Variants in SLC27A4 observed in about 807,000 individuals in gnomAD.
SLC27A4 encodes the protein solute carrier family 27 member 4, also known as long-chain fatty acid transport protein 4.
SLC27A4 carries 33 observed loss-of-function variants against 64.4 expected under a neutral mutation model. The ratio of observed to expected loss-of-function variants is 0.51; its 90% CI spans 0.39 to 0.68. SLC27A4 has a LOEUF of 0.68. Among genes scored for constraint, SLC27A4 ranks in the 30% least tolerant of loss-of-function variants. The probability of loss-of-function intolerance (pLI) is 0.00; values close to 1 mark genes in which losing one functional copy is unlikely to be tolerated. For synonymous variants in SLC27A4, 377 were observed against 370.0 expected (o/e 1.02, Z -0.22); for missense variants, 824 against 883.5 (o/e 0.93, Z 0.85).
chr9:128,355,731 A>G lies in SLC27A4; in HGVS notation c.1709A>G (p.Glu570Gly), dbSNP rs1393585010. 1.2e-5 allele frequency: 19 copies of G among 1,613,616 alleles called. No individual in the cohort carries two copies. The highest frequency in any genetic ancestry group is 1.5e-5 in the Non-Finnish European group (18 of 1,180,032). ...CDLERFAQVL[E>G]KELPLYARPI... Reference sequence around the variant, plus strand: ...CTGGAGCGCTTTGCTCAGGTCTTGGAGAAGGAACTGCCCCTGTATGCGCGC... The same window carrying G: ...CTGGAGCGCTTTGCTCAGGTCTTGGGGAAGGAACTGCCCCTGTATGCGCGC... Residue 570 changes from glutamate to glycine, a missense_variant, in exon 12 of 13, where the codon GAG becomes GGG. By Grantham distance (98) the Glu-to-Gly change is moderately conservative. Coordinates refer to ENST00000300456, the MANE Select transcript of SLC27A4 (RefSeq NM_005094.4).
Position 128,353,685 on chromosome 9 carries a change from T to C in SLC27A4, c.1324+144T>C. ...TACAAGTTACTCATTTATTTGTGTA[T>C]CCATCCATTCATTCATTCATTCGCC... On this transcript the variant is annotated intron_variant, in intron 9 of 12. Coordinates refer to ENST00000300456, the MANE Select transcript of SLC27A4 (RefSeq NM_005094.4). This position sits in a 1 kb window ranked among gnomAD's most constrained non-coding sequence, Gnocchi z 4.9. 3 of 761,902 alleles carry C rather than the reference T, an allele frequency of 3.9e-6. No individual in the cohort carries two copies. The allele number at this position is 761,902 out of a possible 1,614,324, so 47.2% of individuals were successfully genotyped here. A position where few individuals can be genotyped will look rare whatever the true frequency, so the allele number is the denominator to read the frequency against.
At chr9:128,352,927 C>T (rs970699380) in intron 7 of SLC27A4, 98 bp from the exon 8 acceptor site, 10 of 1,209,388 alleles carry the variant, frequency 8.3e-6, no homozygotes, top group African/African-American at 3.0e-5. Flanking sequence ...GATGGCATGG[C>T]CAGCCCCTGG....
intron 6 of SLC27A4, 38 bp from the exon 7 acceptor site, chr9:128,352,600 A>G (rs1832753193): frequency 6.6e-7 from 1 of 1,518,378 alleles, no homozygotes; most frequent in East Asian, 2.3e-5. Context: ...GAGGGTCTTC[A>G]TCTCGCTGAC....
At chr9:128,342,122 T>C in intron 1 of SLC27A4, 1 of 811,558 alleles carries the variant, frequency 1.2e-6, no homozygotes, top group South Asian at 1.5e-5. Flanking sequence ...TGTCATGTTT[T>C]GGCTAGAAAA....
At chr9:128,344,385 G>A (rs1832621866) in intron 2 of SLC27A4, among the ~76,000 whole-genome samples, 1 of 152,132 alleles carries the variant, frequency 6.6e-6, no homozygotes. Context: ...CAGGCATGGT[G>A]GTGCACACCT....
chr9:128,345,020 A>G lies in SLC27A4; in HGVS notation c.162-135A>G. On this transcript the variant is annotated intron_variant, in intron 2 of 12. Transcript: ENST00000300456. This position sits in a 1 kb window ranked among gnomAD's most constrained non-coding sequence, Gnocchi z 4.1. ...TAAGGCAGTGCATGTTCCCAGCAGG[A>G]GCCAGGAGATAGAAGTGTTGTAGGG... 1.0e-6 allele frequency: 1 copy of G among 982,086 alleles called. No homozygotes were observed. Among genetic ancestry groups the G allele is most frequent in the Admixed American group, 2.1e-5 (1 of 47,840 alleles). 60.8% of individuals were successfully genotyped at this position (982,086 alleles called of 1,614,324 possible).
chr9:128,350,337 C>G lies in SLC27A4; in HGVS notation c.741C>G (p.Ser247=), dbSNP rs771758594. Residue 247 remains serine, a synonymous_variant, in exon 5 of 13, where the codon TCC becomes TCG. Transcript: ENST00000300456. ...ATAAACTGTTCTACATCTACACATC[C>G]GGCACCACAGGGCTGCCCAAGGCCG... The part of the protein sequence containing the change: ...FTDKLFYIYT[S]GTTGLPKAAI... 6.2e-7 allele frequency: 1 copy of G among 1,613,226 alleles called. No homozygotes were observed. Among genetic ancestry groups the G allele is most frequent in the South Asian group, 1.1e-5 (1 of 91,068 alleles).
chr9:128,359,896 C>T (rs1288373493), intron 12 of SLC27A4, among the ~76,000 whole-genome samples: 1 of 152,194 alleles, frequency 6.6e-6, no homozygotes, highest in Non-Finnish European at 1.5e-5. Flanking sequence ...TTAAAATCTG[C>T]AAGCACGTCC....
At chr9:128,346,324 C>T (rs1832657006) in intron 3 of SLC27A4, among the ~76,000 whole-genome samples, 1 of 152,016 alleles carries the variant, frequency 6.6e-6, no homozygotes, top group Admixed American at 6.6e-5. Flanking sequence ...ACCTCCACCT[C>T]CCGGGTTCAA....
intron 4 of SLC27A4, 62 bp downstream of exon 4, chr9:128,348,765 T>C: frequency 1.3e-6 from 2 of 1,552,358 alleles, no homozygotes; most frequent in South Asian, 2.2e-5. Flanking sequence ...AGCACTGGCC[T>C]CAGTGCCAGA....
Position 128,345,310 on chromosome 9 carries a change from A to C in SLC27A4, c.317A>C (p.Gln106Pro), listed in dbSNP as rs750137383. The C allele has an allele frequency of 6.2e-7, 1 of 1,613,744 alleles. No homozygotes were observed. The change falls in exon 3 of 13, where the codon CAG (glutamine) becomes CCG (proline). Residue 106 changes from glutamine (Q) to proline (P), a missense_variant. By Grantham distance (76) the Gln-to-Pro change is moderately conservative (BLOSUM62 -1). Transcript: ENST00000300456. The surrounding 1 kb of genome is among the most constrained non-coding windows in gnomAD (Gnocchi z 4.1). ...ACAGATACCCACTGGACCTTCCGCC[A>C]GCTGGATGAGTACTCAAGCAGTGTA... ...EGTDTHWTFR[Q>P]LDEYSSSVAN...
At chr9:128,358,685 G>A (rs569038507) in intron 12 of SLC27A4, among the ~76,000 whole-genome samples, 1 of 152,348 alleles carries the variant, frequency 6.6e-6, no homozygotes, top group African/African-American at 2.4e-5. Context: ...GACCTCAGGT[G>A]ATCCGCCCAC....
At position 128,353,185 on chromosome 9, in the gene SLC27A4, TC is replaced by T; in HGVS notation, c.1149del (p.Tyr384ThrfsTer45). The T allele has an allele frequency of 6.2e-7, 1 of 1,614,156 alleles. No individual in the cohort carries two copies. ...SRFHIPQVAE[F>X]YGATECNCSL... ...TTCCACATACCCCAGGTGGCTGAGTTCTACGGGGCCACAGAGTGCAACTGTA... is the reference window on the plus strand; with the variant it reads ...TTCCACATACCCCAGGTGGCTGAGTTTACGGGGCCACAGAGTGCAACTGTA... On this transcript the variant is annotated frameshift_variant, in exon 8 of 13. Coordinates refer to ENST00000300456, the MANE Select transcript of SLC27A4 (RefSeq NM_005094.4). LOFTEE classifies it high-confidence loss of function. This position sits in a 1 kb window ranked among gnomAD's most constrained non-coding sequence, Gnocchi z 4.9.
At chr9:128,351,822 A>G (rs1832741223) in intron 6 of SLC27A4, among the ~76,000 whole-genome samples, 1 of 151,904 alleles carries the variant, frequency 6.6e-6, no homozygotes, top group Non-Finnish European at 1.5e-5. Context: ...GAAGGCTGAG[A>G]CAGGAGAATC....
chr9:128,345,283 GC>G lies in SLC27A4; in HGVS notation c.291del (p.Thr98GlnfsTer17). On this transcript the variant is annotated frameshift_variant, in exon 3 of 13. Transcript: ENST00000300456. LOFTEE classifies it high-confidence loss of function. The surrounding 1 kb of genome is among the most constrained non-coding windows in gnomAD (Gnocchi z 4.1). ...HPDKTALIFE[G>X]TDTHWTFRQL... ...GACAAGACGGCCCTGATCTTCGAGGGCACAGATACCCACTGGACCTTCCGCC... is the reference window on the plus strand; with the variant it reads ...GACAAGACGGCCCTGATCTTCGAGGGACAGATACCCACTGGACCTTCCGCC... The G allele has an allele frequency of 6.2e-7, 1 of 1,613,924 alleles. No individual in the cohort carries two copies. The highest frequency in any genetic ancestry group is 8.5e-7 in the Non-Finnish European group (1 of 1,180,022).
intron 12 of SLC27A4, among the ~76,000 whole-genome samples, chr9:128,356,434 GC>G (rs1208857267): frequency 6.6e-6 from 1 of 152,264 alleles, no homozygotes; most frequent in Non-Finnish European, 1.5e-5. Flanking sequence ...ACCAGCAGGG[GC>G]CAGAAGCCCA....
Position 128,360,534 on chromosome 9 carries a change from G to C in SLC27A4, c.*43G>C. 3 of 1,609,292 alleles carry C rather than the reference G, an allele frequency of 1.9e-6. No homozygotes were observed. The highest frequency in any genetic ancestry group is 2.5e-6 in the Non-Finnish European group (3 of 1,177,884). ...AGGGCCGGCGGATGCTGGATCCGGA[G>C]CCCCAGGTTCCGCCCCAGAGCGGTC... On this transcript the variant is annotated 3_prime_UTR_variant, in exon 13 of 13. Coordinates refer to ENST00000300456, the MANE Select transcript of SLC27A4 (RefSeq NM_005094.4).
At chr9:128,352,091 A>G (rs1215071727) in intron 6 of SLC27A4, among the ~76,000 whole-genome samples, 1 of 150,972 alleles carries the variant, frequency 6.6e-6, no homozygotes, top group Middle Eastern at 3.2e-3. Context: ...GCTACTCGGG[A>G]GGATGATGCA....
Position 128,360,565 on chromosome 9 carries a change from C to A in SLC27A4, c.*74C>A. 1 of 1,545,672 alleles carries A rather than the reference C, an allele frequency of 6.5e-7. No individual in the cohort carries two copies. Among genetic ancestry groups the A allele is most frequent in the Non-Finnish European group, 8.9e-7 (1 of 1,125,964 alleles). ...GGTTCCGCCCCAGAGCGGTCCTGGACAAGGCCAGACCAAAGCAAGCAGGGC... is the reference window on the plus strand; with the variant it reads ...GGTTCCGCCCCAGAGCGGTCCTGGAAAAGGCCAGACCAAAGCAAGCAGGGC... On this transcript the variant is annotated 3_prime_UTR_variant, in exon 13 of 13. Transcript: ENST00000300456.
Sources: gnomAD v4.1 joint callset for allele counts (sites outside exome capture counted in the v4.1 genomes callset) on GRCh38, gnomAD v4.1.1 for gene constraint, Gnocchi (gnomAD v3.1) non-coding constraint, MANE v1.5 for transcripts, NCBI Gene and HGNC (gene_info 2026-07-23, HGNC 2026-07-21) for gene names.